The following MAGEC2 variants were observed in gnomAD, a reference collection of about 807,000 sequenced individuals.
MAGEC2 encodes MAGE family member C2, also known as melanoma-associated antigen C2.
For missense variants in MAGEC2, 332 were observed against 282.3 expected, an observed-to-expected ratio of 1.18 and a Z score of -1.26; for synonymous variants, 127 against 115.1, an observed-to-expected ratio of 1.10 and a Z score of -0.66.
At position 142,202,989 on chromosome X, in the gene MAGEC2, G is replaced by A. The variant is rs751276666; in HGVS notation, c.999C>T (p.Tyr333=). 1.2e-5 allele frequency: 15 copies of A among 1,210,028 alleles called. No homozygotes were observed. Among genetic ancestry groups the A allele is most frequent in the South Asian group, 7.0e-5 (4 of 56,780 alleles). The change falls in exon 3 of 3, where the codon TAC becomes TAT. Residue 333 remains tyrosine, a synonymous_variant. Coordinates refer to ENST00000247452, the MANE Select transcript of MAGEC2 (RefSeq NM_016249.4). ...CTTCCACATCTTTCAAAGCATCCTT[G>A]TACCAGGATGGAAAGGAACTAGGAA... ...NTVPSSFPSW[Y]KDALKDVEER...
chrX:142,204,049 C>T lies in MAGEC2; in HGVS notation c.-62G>A. 8.4e-7 allele frequency: 1 copy of T among 1,183,688 alleles called. No individual in the cohort carries two copies. The highest frequency in any genetic ancestry group is 1.1e-6 in the Non-Finnish European group (1 of 873,706). ...CAGGGATATGGATGATGAGATCCAA[C>T]AGGCCTGTGGAAGAGAGTGACAGTG... On this transcript the variant is annotated 5_prime_UTR_variant, in exon 3 of 3. Coordinates refer to ENST00000247452, the MANE Select transcript of MAGEC2 (RefSeq NM_016249.4).
intron 1 of MAGEC2, among the ~76,000 whole-genome samples, chrX:142,204,701 G>A (rs1409971459): frequency 8.9e-6 from 1 of 111,767 alleles, no homozygotes; most frequent in South Asian, 3.8e-4. Flanking sequence ...GAGGTAGGGC[G>A]GTGGCAGCCA....
rs1241679478 is a variant in MAGEC2, at chrX:142,203,322, C to T, written c.666G>A (p.Glu222=). The change falls in exon 3 of 3, where the codon GAG becomes GAA. Residue 222 remains glutamate, a synonymous_variant. Coordinates refer to ENST00000247452, the MANE Select transcript of MAGEC2 (RefSeq NM_016249.4). Reference sequence around the variant, plus strand: ...TCAGGAGGCTGTTCTCGGGCATGCCCTCATCATCACTACCCTCATCGGTGA... The same window carrying T: ...TCAGGAGGCTGTTCTCGGGCATGCCTTCATCATCACTACCCTCATCGGTGA... ...VGLTDEGSDD[E]GMPENSLLII... 9.9e-6 allele frequency: 12 copies of T among 1,209,368 alleles called. No individual in the cohort carries two copies. Among genetic ancestry groups the T allele is most frequent in the Non-Finnish European group, 1.3e-5 (12 of 895,065 alleles).
In MAGEC2 at chrX:142,202,857, T is replaced by C; in HGVS notation, c.*9A>G. 1.7e-6 allele frequency: 2 copies of C among 1,201,866 alleles called. No homozygotes were observed. Among genetic ancestry groups the C allele is most frequent in the Non-Finnish European group, 2.2e-6 (2 of 890,520 alleles). On this transcript the variant is annotated 3_prime_UTR_variant, in exon 3 of 3. Transcript: ENST00000247452. The stretch of plus-strand genomic sequence containing the variant: ...GTTCAAACACAAGGGGAAGAAACTA[T>C]CCTAGACTTCACTCAGAAAAGGAGA...
In MAGEC2 at chrX:142,204,069, ACAGTGTGAGTGGCCT is replaced by A. The variant is rs1276284351; in HGVS notation, c.-66-31_-66-17del. The A allele has an allele frequency of 8.5e-7, 1 of 1,177,320 alleles. No individual in the cohort carries two copies. The highest frequency in any genetic ancestry group is 1.2e-6 in the Non-Finnish European group (1 of 867,171). The stretch of plus-strand genomic sequence containing the variant: ...TCCAACAGGCCTGTGGAAGAGAGTG[ACAGTGTGAGTGGCCT>A]CAGCTGAGAAACTCACCCATGATGG... On this transcript the variant is annotated splice_polypyrimidine_tract_variant and intron_variant, in intron 2 of 2. Transcript: ENST00000247452.
Position 142,203,820 on chromosome X carries a change from G to A in MAGEC2, c.168C>T (p.Ser56=). ...CACCAAGAATCAGAGAAGAGGATGT[G>A]GAGAAAGAAGAGGGGGAAAATACTA... ...LYLVFSPSSF[S]TSSSLILGGP... Residue 56 remains serine (S), a synonymous_variant, in exon 3 of 3, where the codon TCC becomes TCT. Coordinates refer to ENST00000247452, the MANE Select transcript of MAGEC2 (RefSeq NM_016249.4). The A allele has an allele frequency of 3.3e-6, 4 of 1,199,383 alleles. No homozygotes were observed. Among genetic ancestry groups the A allele is most frequent in the Non-Finnish European group, 4.5e-6 (4 of 890,922 alleles).
At chrX:142,204,306 G>A (rs1029522302) in intron 2 of MAGEC2, 56 bp downstream of exon 2, 1 of 419,300 alleles carries the variant, frequency 2.4e-6, no homozygotes, top group African/African-American at 2.5e-5. Flanking sequence ...GTGCTGTGGG[G>A]TCTCCTCTGT....
In MAGEC2 at chrX:142,203,846, A is replaced by G. The variant is rs538490457; in HGVS notation, c.142T>C (p.Leu48=). 3.3e-6 allele frequency: 4 copies of G among 1,198,637 alleles called. No homozygotes were observed. The South Asian group carries it at 5.5e-5, about 16-fold the overall frequency. ...EASSASSTLY[L]VFSPSSFSTS... ...GAGAAAGAAGAGGGGGAAAATACTA[A>G]GTACAAAGTGGAAGAGGCGGAGGAG... The change falls in exon 3 of 3, where the codon TTA becomes CTA. Residue 48 remains leucine (L), a synonymous_variant. Coordinates refer to ENST00000247452, the MANE Select transcript of MAGEC2 (RefSeq NM_016249.4).
At chrX:142,204,265 C>A in intron 2 of MAGEC2, 97 bp downstream of exon 2, 1 of 481,570 alleles carries the variant, frequency 2.1e-6, no homozygotes, top group Non-Finnish European at 3.6e-6. Context: ...AGCCTGAGAC[C>A]CCAGGAGTGA....
rs1028378587 is a variant in MAGEC2, at chrX:142,202,738, A to C, written c.*128T>G. The C allele has an allele frequency of 4.7e-5, 28 of 591,454 alleles. No individual in the cohort carries two copies. Among genetic ancestry groups the C allele is most frequent in the Non-Finnish European group, 6.9e-5 (27 of 393,207 alleles). 48.7% of individuals were successfully genotyped at this position (591,454 alleles called of 1,213,427 possible). A position where few individuals can be genotyped will look rare whatever the true frequency, so the allele number is the denominator to read the frequency against. ...TTAGAAAATACTGAAAAACAGGTAA[A>C]TCTCTACATCACCCATATGGGACAG... On this transcript the variant is annotated 3_prime_UTR_variant, in exon 3 of 3. Coordinates refer to ENST00000247452, the MANE Select transcript of MAGEC2 (RefSeq NM_016249.4).
At position 142,202,899 on chromosome X, in the gene MAGEC2, A is replaced by G; in HGVS notation, c.1089T>C (p.Ser363=). The part of the protein sequence containing the change: ...DATVMASESL[S]VMSSNVSFSE ...AAAAGGAGACGTTGCTGGACATGAC[A>G]CTGAGGCTTTCACTGGCCATGACAG... The change falls in exon 3 of 3, where the codon AGT becomes AGC. Residue 363 remains serine, a synonymous_variant. Transcript: ENST00000247452. 1 of 1,211,219 alleles carries G rather than the reference A, an allele frequency of 8.3e-7. No homozygotes were observed. Among genetic ancestry groups the G allele is most frequent in the East Asian group, 3.0e-5 (1 of 33,817 alleles).
At position 142,202,700 on chromosome X, in the gene MAGEC2, A is replaced by G. The variant is rs1160972835; in HGVS notation, c.*166T>C. ...CTCTGAAGCTAACTACCTGCTATTC[A>G]AAGGAAAAGCATTTAGAAAATACTG... On this transcript the variant is annotated 3_prime_UTR_variant, in exon 3 of 3. Coordinates refer to ENST00000247452, the MANE Select transcript of MAGEC2 (RefSeq NM_016249.4). 2.0e-5 allele frequency: 9 copies of G among 445,948 alleles called. No homozygotes were observed. In the East Asian group the frequency reaches 3.0e-4, roughly 15 times the overall value. The allele number at this position is 445,948 out of a possible 1,213,427, so 36.8% of individuals were successfully genotyped here. A position where few individuals can be genotyped will look rare whatever the true frequency, so the allele number is the denominator to read the frequency against.
chrX:142,204,900 AG>A (rs776819118), intron 1 of MAGEC2, among the ~76,000 whole-genome samples: 1 of 111,534 alleles, frequency 9.0e-6, no homozygotes, highest in Non-Finnish European at 1.9e-5. Flanking sequence ...CCACTCACCC[AG>A]GAATAAGATG....
intron 2 of MAGEC2, 149 bp downstream of exon 2, chrX:142,204,213 G>A: frequency 1.5e-6 from 1 of 646,474 alleles, no homozygotes; most frequent in Non-Finnish European, 2.5e-6. Context: ...GGAACCTGTA[G>A]GAGGATGTGG....
Position 142,203,196 on chromosome X carries a change from G to C in MAGEC2, c.792C>G (p.His264Gln). Residue 264 changes from histidine (H) to glutamine (Q), a missense_variant, in exon 3 of 3, where the codon CAC (histidine) becomes CAG (glutamine). Coordinates refer to ENST00000247452, the MANE Select transcript of MAGEC2 (RefSeq NM_016249.4). ...GCTCCCTAGGCTCCCCATAGACGAAGTGCTCCCTCCCAGCATATACCCCTA... is the reference window on the plus strand; with the variant it reads ...GCTCCCTAGGCTCCCCATAGACGAACTGCTCCCTCCCAGCATATACCCCTA... Reference protein sequence around the residue: ...NAVGVYAGREHFVYGEPRELL... With the variant: ...NAVGVYAGREQFVYGEPRELL... 1 of 1,211,364 alleles carries C rather than the reference G, an allele frequency of 8.3e-7. No homozygotes were observed. The highest frequency in any genetic ancestry group is 3.0e-5 in the East Asian group (1 of 33,788).
In MAGEC2 at chrX:142,202,784, T is replaced by C. The variant is rs1025507092; in HGVS notation, c.*82A>G. On this transcript the variant is annotated 3_prime_UTR_variant, in exon 3 of 3. Coordinates refer to ENST00000247452, the MANE Select transcript of MAGEC2 (RefSeq NM_016249.4). ...GACAGAAATGCAAAGAACACTACGTTCCTCGAGCCCCACCTGGCCCTCCAC... is the reference window on the plus strand; with the variant it reads ...GACAGAAATGCAAAGAACACTACGTCCCTCGAGCCCCACCTGGCCCTCCAC... 5 of 971,172 alleles carry C rather than the reference T, an allele frequency of 5.1e-6. No homozygotes were observed. The highest frequency in any genetic ancestry group is 3.0e-5 in the Admixed American group (1 of 33,445). The allele number at this position is 971,172 out of a possible 1,213,427, so 80.0% of individuals were successfully genotyped here. A position where few individuals can be genotyped will look rare whatever the true frequency, so the allele number is the denominator to read the frequency against.
At position 142,203,532 on chromosome X, in the gene MAGEC2, C is replaced by T. The variant is rs1180997870; in HGVS notation, c.456G>A (p.Leu152=). Residue 152 remains leucine, a synonymous_variant, in exon 3 of 3, where the codon CTG becomes CTA. Transcript: ENST00000247452. ...GCTCCTCTGCTTCGTATTTGAGGAG[C>T]AGGAACTCCACTAACTCGGCCACCT... ...DEKVAELVEF[L]LLKYEAEEPV... 3 of 1,211,360 alleles carry T rather than the reference C, an allele frequency of 2.5e-6. No individual in the cohort carries two copies. The highest frequency in any genetic ancestry group is 2.3e-4 in the Middle Eastern group (1 of 4,351).
At chrX:142,204,741 G>A (rs1283315758) in intron 1 of MAGEC2, among the ~76,000 whole-genome samples, 2 of 111,567 alleles carry the variant, frequency 1.8e-5, no homozygotes, top group Non-Finnish European at 3.8e-5. Flanking sequence ...GGGGGCAGTC[G>A]GGGTAGCCTC....
chrX:142,205,238 T>G lies in MAGEC2; in HGVS notation c.-296A>C. 1 of 124,038 alleles carries G rather than the reference T, an allele frequency of 8.1e-6. No individual in the cohort carries two copies. Among genetic ancestry groups the G allele is most frequent in the South Asian group, 3.0e-4 (1 of 3,317 alleles). 10.2% of individuals were successfully genotyped at this position (124,038 alleles called of 1,213,427 possible). A position where few individuals can be genotyped will look rare whatever the true frequency, so the allele number is the denominator to read the frequency against. ...TCCCCCCGCTAACTTGATTCGCGCC[T>G]CCTCACAAATGCCTTCGATCCGTCA... On this transcript the variant is annotated 5_prime_UTR_variant, in exon 1 of 3. Coordinates refer to ENST00000247452, the MANE Select transcript of MAGEC2 (RefSeq NM_016249.4).
Sources: gnomAD v4.1 joint callset for allele counts (sites outside exome capture counted in the v4.1 genomes callset) on GRCh38, gnomAD v4.1.1 for gene constraint, MANE v1.5 for transcripts, NCBI Gene and HGNC (gene_info 2026-07-23, HGNC 2026-07-21) for gene names.